KANSL1: variants seen among roughly 807,000 people sequenced by gnomAD.
KANSL1 encodes MLL1/MLL complex subunit KANSL1.
In KANSL1, 22 loss-of-function variants were observed where a neutral mutation model predicts 103.6. That is an observed-to-expected ratio of 0.21 (90% CI 0.15 to 0.30). The LOEUF (loss-of-function observed/expected upper bound fraction) is 0.30, where lower values mean the gene tolerates loss of function less well. Among genes scored for constraint, KANSL1 ranks in the 10% least tolerant of loss-of-function variants. The pLI, the probability that KANSL1 is intolerant of heterozygous loss-of-function variation, is 1.00. For missense variants in KANSL1, 1,337 were observed against 1,399.8 expected (o/e 0.96, Z 0.72); for synonymous variants, 600 against 527.6 (o/e 1.14, Z -1.88).
intron 3 of KANSL1, among the ~76,000 whole-genome samples, chr17:46,083,595 C>A (rs1225696776): frequency 6.6e-6 from 1 of 152,086 alleles, no homozygotes; most frequent in Non-Finnish European, 1.5e-5. Context: ...CCCGCCAACC[C>A]CACTATGTTA....
chr17:46,196,325 T>G (rs1460039767), upstream of KANSL1: 2 of 456,210 alleles, frequency 4.4e-6, no homozygotes, highest in Non-Finnish European at 8.8e-6. Context: ...TCCACTCTAT[T>G]CTGATTAGTT....
At chr17:46,048,036 T>C (rs2077579040) in intron 7 of KANSL1, among the ~76,000 whole-genome samples, 1 of 151,696 alleles carries the variant, frequency 6.6e-6, no homozygotes, top group African/African-American at 2.4e-5. Context: ...GCCTGCTGAG[T>C]AGCTGGGACG....
At chr17:46,052,948 A>G (rs1453524295) in intron 6 of KANSL1, among the ~76,000 whole-genome samples, 4 of 122,082 alleles carry the variant, frequency 3.3e-5, no homozygotes, top group African/African-American at 1.2e-4. Context: ...TGGGAAAAAG[A>G]GTAAGATCCT....
intron 7 of KANSL1, among the ~76,000 whole-genome samples, chr17:46,046,319 G>GCCCAAGAGTTTGAGACCA (rs2077502757): frequency 6.6e-6 from 1 of 151,328 alleles, no homozygotes; most frequent in Non-Finnish European, 1.5e-5. Context: ...AGATCGCTTG[G>GCCCAAGAGTTTGAGACCA]GCCCAAGAGT....
chr17:46,038,943 G>T lies in KANSL1; in HGVS notation c.2392+84C>A, dbSNP rs147005720. ...CCTAGAAAGTGAAGGACAAAGCTGG[G>T]GGTAATTAAGAGAAGCCTAGGCTGC... On this transcript the variant is annotated intron_variant, in intron 9 of 14. Coordinates refer to ENST00000432791, the MANE Select transcript of KANSL1 (RefSeq NM_015443.4). 1.5e-3 allele frequency: 2,271 copies of T among 1,489,312 alleles called. 41 individuals carry two copies. The East Asian group carries it at 0.03, about 19-fold the overall frequency. The allele number at this position is 1,489,312 out of a possible 1,614,324, so 92.3% of individuals were successfully genotyped here.
chr17:46,146,652 T>C (rs1459690612), intron 2 of KANSL1, among the ~76,000 whole-genome samples: 1 of 117,720 alleles, frequency 8.5e-6, no homozygotes, highest in African/African-American at 2.6e-5. Context: ...GCTAAAACGG[T>C]GAAACCCCGT....
intron 7 of KANSL1, 86 bp downstream of exon 7, chr17:46,050,447 T>C: frequency 1.0e-5 from 14 of 1,356,882 alleles, no homozygotes; most frequent in Non-Finnish European, 1.4e-5. Context: ...GTATCTGAGT[T>C]GTAACTGCAC....
At chr17:46,133,781 A>G (rs1027080184) in intron 2 of KANSL1, among the ~76,000 whole-genome samples, 21 of 152,370 alleles carry the variant, frequency 1.4e-4, no homozygotes, top group Non-Finnish European at 2.5e-4. Context: ...CAAAGAAATG[A>G]TATGATACAT....
chr17:46,066,793 C>T, intron 5 of KANSL1, 61 bp from the exon 6 acceptor site: 3 of 1,218,148 alleles, frequency 2.5e-6, no homozygotes, highest in Non-Finnish European at 3.5e-6. Context: ...AAATAAACAA[C>T]AAGAAAACAC....
intron 3 of KANSL1, among the ~76,000 whole-genome samples, chr17:46,083,599 T>C (rs1280008546): frequency 1.3e-5 from 2 of 152,160 alleles, no homozygotes; most frequent in East Asian, 3.9e-4. Context: ...CCAACCCCAC[T>C]ATGTTACCGA....
intron 6 of KANSL1, among the ~76,000 whole-genome samples, chr17:46,054,737 C>G (rs1281606863): frequency 6.6e-6 from 1 of 152,182 alleles, no homozygotes; most frequent in African/African-American, 2.4e-5. Flanking sequence ...CTATATTTCT[C>G]CAAGATAGCA....
At chr17:46,049,484 T>C (rs1463688946) in intron 7 of KANSL1, 1 of 152,254 alleles carries the variant, frequency 6.6e-6, no homozygotes, top group Non-Finnish European at 1.5e-5. Context: ...TCCGCCCGTC[T>C]TGGCCTCCCA....
intron 4 of KANSL1, among the ~76,000 whole-genome samples, chr17:46,080,151 T>TA (rs2078930908): frequency 6.6e-6 from 1 of 151,856 alleles, no homozygotes; most frequent in Non-Finnish European, 1.5e-5. Context: ...ATAAAAAAAT[T>TA]AAACATAACA....
intron 1 of KANSL1, among the ~76,000 whole-genome samples, chr17:46,183,772 G>A (rs148029599): frequency 2.0e-4 from 30 of 152,156 alleles, no homozygotes; most frequent in African/African-American, 7.2e-4. Flanking sequence ...CCAACACAGC[G>A]AAACCCCGTC....
rs1362252302 is a variant in KANSL1 at position 46,032,037 on chromosome 17, C to T, written c.3090+10G>A. ...CCATGCCAACCCCACCCAAAGGCTG[C>T]GTCCCTTACCTGTTCATCCAGCCCC... On this transcript the variant is annotated intron_variant, in intron 14 of 14. Coordinates refer to ENST00000432791, the MANE Select transcript of KANSL1 (RefSeq NM_015443.4). 40 of 1,613,892 alleles carry T rather than the reference C, an allele frequency of 2.5e-5. No homozygotes were observed. Among genetic ancestry groups the T allele is most frequent in the Admixed American group, 8.3e-5 (5 of 60,004 alleles).
chr17:46,174,066 T>C (rs2046406763), intron 1 of KANSL1, among the ~76,000 whole-genome samples: 1 of 152,256 alleles, frequency 6.6e-6, no homozygotes, highest in South Asian at 2.1e-4. Flanking sequence ...GGAAGACCAC[T>C]GACGATATTT....
At chr17:46,041,876 TTTTGTGTGTGTGTGTGTG>T (rs967700264) in intron 7 of KANSL1, 5 of 129,576 alleles carry the variant, frequency 3.9e-5, no homozygotes, top group Admixed American at 2.4e-4. Context: ...TAGAAATTTA[TTTTGTGTGTGTGTGTGTG>T]TGTGTGTGTG....
upstream of KANSL1, among the ~76,000 whole-genome samples, chr17:46,197,619 C>A (rs2696441): frequency 0.14 from 21,942 of 152,156 alleles, 2,137 homozygotes; most frequent in Non-Finnish European, 0.22. Flanking sequence ...CTCCAGCCTA[C>A]GCGACAGAAG....
At chr17:46,219,104 T>TA (rs1189250149) in intron 1 of KANSL1, among the ~76,000 whole-genome samples, 13 of 147,978 alleles carry the variant, frequency 8.8e-5, no homozygotes, top group African/African-American at 2.0e-4. Context: ...CTACTAAAAA[T>TA]AAAAAAAAAA....
Sources: allele counts gnomAD v4.1 joint callset (sites outside exome capture counted in the v4.1 genomes callset), GRCh38; gene constraint gnomAD v4.1.1; transcripts MANE v1.5; gene names NCBI Gene and HGNC (gene_info 2026-07-23, HGNC 2026-07-21).